Variants in ELF4 observed in about 807,000 individuals in gnomAD.
The protein encoded by ELF4 is E74 like ETS transcription factor 4.
In ELF4, 10 loss-of-function variants were observed where a neutral mutation model predicts 31.7. The observed-to-expected ratio is 0.32, with a 90% confidence interval of 0.19 to 0.54. ELF4 has a LOEUF of 0.54. Among genes scored for constraint, ELF4 ranks in the 20% least tolerant of loss-of-function variants. ELF4 has a pLI of 0.95. For missense variants in ELF4, 418 were observed against 522.0 expected (o/e 0.80, Z 1.94); for synonymous variants, 208 against 226.7 (o/e 0.92, Z 0.74).
In ELF4 at chrX:130,071,317, G is replaced by A; in HGVS notation, c.616+19C>T. 1.7e-6 allele frequency: 2 copies of A among 1,211,657 alleles called. No homozygotes were observed. The highest frequency in any genetic ancestry group is 2.2e-6 in the Non-Finnish European group (2 of 895,279). ...AAGGGGCTCCCTCCCCACCTCACCT[G>A]AGTCCCAGCTGTCCATACCTTTGCC... On this transcript the variant is annotated intron_variant, in intron 6 of 8. Transcript: ENST00000308167.
At chrX:130,105,175 A>T (rs957444973) in intron 1 of ELF4, among the ~76,000 whole-genome samples, 3 of 110,893 alleles carry the variant, frequency 2.7e-5, no homozygotes, top group African/African-American at 9.9e-5. Flanking sequence ...GCCTCAAATT[A>T]AAAAAAGAAA....
intron 1 of ELF4, among the ~76,000 whole-genome samples, chrX:130,084,049 C>T (rs774673779): frequency 1.3e-3 from 150 of 112,198 alleles, no homozygotes; most frequent in African/African-American, 4.2e-3. Flanking sequence ...TACCCAGGTG[C>T]GCTATTTGCG....
At position 130,094,392 on chromosome X, in the gene ELF4, A is replaced by AAAAAC. The variant is rs372844707; in HGVS notation, c.-209-12858_-209-12854dup. Among the ~76,000 whole-genome samples, 401 of 106,212 alleles carry AAAAAC rather than the reference A, an allele frequency of 3.8e-3. 3 individuals are homozygous for AAAAAC. The highest frequency in any genetic ancestry group is 0.013 in the African/African-American group (374 of 28,910). 92.2% of individuals were successfully genotyped at this position (106,212 alleles called of 115,157 possible). A position where few individuals can be genotyped will look rare whatever the true frequency, so the allele number is the denominator to read the frequency against. ...GAGTGAGACTCCATCTCAAAAAAAC[A>AAAAAC]AAAACAAAACAAAACAAAACAAAAA... On this transcript the variant is annotated intron_variant, in intron 1 of 8. Coordinates refer to ENST00000308167, the MANE Select transcript of ELF4 (RefSeq NM_001421.4).
At chrX:130,097,480 G>A (rs1329104513) in intron 1 of ELF4, among the ~76,000 whole-genome samples, 1 of 111,632 alleles carries the variant, frequency 9.0e-6, no homozygotes, top group African/African-American at 3.2e-5. Context: ...GAAAAAAAGC[G>A]AGCACTGTAA....
intron 8 of ELF4, among the ~76,000 whole-genome samples, 194 bp downstream of exon 8, chrX:130,069,106 C>T (rs1340453654): frequency 1.8e-5 from 2 of 110,552 alleles, no homozygotes; most frequent in African/African-American, 6.6e-5. Flanking sequence ...TACCTGTAAT[C>T]CCAGCTACTC....
At chrX:130,101,274 G>C (rs5932719) in intron 1 of ELF4, among the ~76,000 whole-genome samples, 5 of 112,414 alleles carry the variant, frequency 4.4e-5, no homozygotes, top group African/African-American at 6.5e-5. Context: ...AGACAAGGCT[G>C]AGCAAGAATA....
chrX:130,093,876 C>T (rs1013223811), intron 1 of ELF4, among the ~76,000 whole-genome samples: 1 of 112,167 alleles, frequency 8.9e-6, no homozygotes, highest in African/African-American at 3.2e-5. Context: ...TGATACCTCT[C>T]TCAGCTCGGG....
At chrX:130,078,050 CTT>C (rs1251760622) in intron 2 of ELF4, among the ~76,000 whole-genome samples, 9 of 101,303 alleles carry the variant, frequency 8.9e-5, no homozygotes, top group Non-Finnish European at 4.1e-5. Flanking sequence ...TTTTTCTTTT[CTT>C]TTTTTTTTTT....
intron 1 of ELF4, among the ~76,000 whole-genome samples, chrX:130,088,925 G>A (rs1933006399): frequency 8.9e-6 from 1 of 111,747 alleles, no homozygotes; most frequent in Non-Finnish European, 1.9e-5. Flanking sequence ...TGGGCAGCAG[G>A]GGCCATGGTG....
intron 1 of ELF4, among the ~76,000 whole-genome samples, chrX:130,085,837 C>T (rs777966100): frequency 8.9e-6 from 1 of 111,908 alleles, no homozygotes; most frequent in East Asian, 2.8e-4. Context: ...CCCACAACCA[C>T]AAGCAAAATG....
chrX:130,105,854 C>CTGTG (rs60216838), intron 1 of ELF4, among the ~76,000 whole-genome samples: 1,598 of 86,450 alleles, frequency 0.018, 37 homozygotes, highest in East Asian at 0.072. Context: ...CCCCAGGGGC[C>CTGTG]TGTGTGTGTG....
chrX:130,076,574 G>T (rs1017723828), intron 2 of ELF4, among the ~76,000 whole-genome samples: 14 of 111,127 alleles, frequency 1.3e-4, no homozygotes, highest in African/African-American at 4.6e-4. Flanking sequence ...TGGGATTACC[G>T]GCGCCTGCCA....
intron 1 of ELF4, among the ~76,000 whole-genome samples, chrX:130,099,749 A>G (rs1326979670): frequency 9.1e-6 from 1 of 109,834 alleles, no homozygotes; most frequent in East Asian, 2.9e-4. Context: ...GGCAATTCTC[A>G]TGTCTCAGCC....
Position 130,066,981 on chromosome X carries a change from G to A in ELF4, c.1732C>T (p.Pro578Ser). The A allele has an allele frequency of 8.2e-7, 1 of 1,212,347 alleles. No homozygotes were observed. The highest frequency in any genetic ancestry group is 1.8e-5 in the South Asian group (1 of 57,046). ...CTGGAAACCACCTGGGTTGGAAGTG[G>A]CTGAAGATGAGCCTGATCTCTCAGG... ...ELLRDQAHLQ[P>S]LPTQVVSRGS... Residue 578 changes from proline to serine, a missense_variant, in exon 9 of 9, where the codon CCA (proline) becomes TCA (serine). By Grantham distance (74) the Pro-to-Ser change is moderately conservative. Coordinates refer to ENST00000308167, the MANE Select transcript of ELF4 (RefSeq NM_001421.4).
intron 7 of ELF4, among the ~76,000 whole-genome samples, chrX:130,070,044 G>A (rs1932766214): frequency 8.9e-6 from 1 of 112,043 alleles, no homozygotes; most frequent in Non-Finnish European, 1.9e-5. Context: ...ACCACCTCTA[G>A]GACAACTCAA....
chrX:130,066,004 C>T lies in ELF4; in HGVS notation c.*717G>A, dbSNP rs748170470. On this transcript the variant is annotated 3_prime_UTR_variant, in exon 9 of 9. Transcript: ENST00000308167. ...TCCCTTCCCTCCCTTCGTGGTTTTACCCCACTCGGCCTTTGTGTCCCTGAG... is the reference window on the plus strand; with the variant it reads ...TCCCTTCCCTCCCTTCGTGGTTTTATCCCACTCGGCCTTTGTGTCCCTGAG... The T allele has an allele frequency of 1.7e-5, 3 of 172,884 alleles. No homozygotes were observed. Among genetic ancestry groups the T allele is most frequent in the Non-Finnish European group, 3.3e-5 (3 of 90,689 alleles). 14.2% of individuals were successfully genotyped at this position (172,884 alleles called of 1,213,427 possible). A position where few individuals can be genotyped will look rare whatever the true frequency, so the allele number is the denominator to read the frequency against.
rs753175886 is a variant in ELF4 at position 130,071,432 on chromosome X, G to A, written c.533-13C>T. 4.1e-6 allele frequency: 5 copies of A among 1,206,764 alleles called. No homozygotes were observed. The Admixed American group carries it at 6.6e-5, about 16-fold the overall frequency. On this transcript the variant is annotated splice_polypyrimidine_tract_variant and intron_variant, in intron 5 of 8. Coordinates refer to ENST00000308167, the MANE Select transcript of ELF4 (RefSeq NM_001421.4). ...TTGGTCTTCCGGACTATGAGGGAAA[G>A]GTGAGTAGGATGAGGAGCAGCTCCC...
At chrX:130,078,718 T>C (rs1268056735) in intron 2 of ELF4, among the ~76,000 whole-genome samples, 5 of 106,680 alleles carry the variant, frequency 4.7e-5, no homozygotes, top group African/African-American at 1.7e-4. Context: ...GATCGTGCCA[T>C]TGCACTCTAG....
chrX:130,065,360 G>T lies in ELF4; in HGVS notation c.*1361C>A, dbSNP rs1932639467. ...TTGACCCTTCCTCGGAAAGAGGGAA[G>T]GGGGAAGCAGGGAGCCACGAAGAGA... On this transcript the variant is annotated 3_prime_UTR_variant, in exon 9 of 9. Coordinates refer to ENST00000308167, the MANE Select transcript of ELF4 (RefSeq NM_001421.4). 5.8e-6 allele frequency: 1 copy of T among 173,701 alleles called. No homozygotes were observed. The highest frequency in any genetic ancestry group is 3.2e-4 in the South Asian group (1 of 3,114). The allele number at this position is 173,701 out of a possible 1,213,427, so 14.3% of individuals were successfully genotyped here. A position where few individuals can be genotyped will look rare whatever the true frequency, so the allele number is the denominator to read the frequency against.
Sources: gnomAD v4.1 joint callset for allele counts (sites outside exome capture counted in the v4.1 genomes callset) on GRCh38, gnomAD v4.1.1 for gene constraint, MANE v1.5 for transcripts, NCBI Gene and HGNC (gene_info 2026-07-23, HGNC 2026-07-21) for gene names.